The following PRDX6 variants were observed in gnomAD, a reference collection of about 807,000 sequenced individuals.
PRDX6 encodes peroxiredoxin 6.
Under a neutral mutation model 20.0 loss-of-function variants are expected in PRDX6, and 13 were observed. The ratio of observed to expected loss-of-function variants is 0.65; its 90% CI spans 0.42 to 1.03. The LOEUF (loss-of-function observed/expected upper bound fraction) is 1.03, where lower values mean the gene tolerates loss of function less well. Among genes scored for constraint, PRDX6 ranks in the 50% least tolerant of loss-of-function variants. The probability of loss-of-function intolerance (pLI) is 0.00; values close to 1 mark genes in which losing one functional copy is unlikely to be tolerated. For synonymous variants in PRDX6, 85 were observed against 100.8 expected (o/e 0.84, Z 0.94); for missense variants, 203 against 276.9 (o/e 0.73, Z 1.89).
At chr1:173,480,722 T>G (rs1658787137) in intron 1 of PRDX6, among the ~76,000 whole-genome samples, 1 of 152,232 alleles carries the variant, frequency 6.6e-6, no homozygotes, top group African/African-American at 2.4e-5. Flanking sequence ...GTGTCATGTT[T>G]GGCAGGTAAG....
chr1:173,485,980 A>G (rs772223768), intron 3 of PRDX6, among the ~76,000 whole-genome samples: 1 of 152,216 alleles, frequency 6.6e-6, no homozygotes, highest in Non-Finnish European at 1.5e-5. Flanking sequence ...TCCCCAATTG[A>G]CACAGCCTTT....
intron 2 of PRDX6, among the ~76,000 whole-genome samples, chr1:173,483,806 A>G (rs1191682449): frequency 6.6e-6 from 1 of 152,102 alleles, no homozygotes; most frequent in Non-Finnish European, 1.5e-5. Flanking sequence ...CACATGTTTC[A>G]TTAATATCGT....
chr1:173,484,173 T>TACACAC (rs1328020093), intron 2 of PRDX6, among the ~76,000 whole-genome samples: 2 of 131,344 alleles, frequency 1.5e-5, no homozygotes, highest in African/African-American at 7.3e-5. Flanking sequence ...TATATTTATA[T>TACACAC]ATATACACAC....
intron 1 of PRDX6, among the ~76,000 whole-genome samples, chr1:173,477,932 T>G (rs112005726): frequency 0.012 from 1,809 of 152,276 alleles, 39 homozygotes; most frequent in African/African-American, 0.042. Flanking sequence ...TTCCCCGGAC[T>G]AGTGCCCAGG....
chr1:173,477,424 C>G lies in PRDX6; in HGVS notation c.27C>G (p.Asp9Glu). Residue 9 changes from aspartate to glutamate, a missense_variant, in exon 1 of 5, where the codon GAC becomes GAG. Coordinates refer to ENST00000340385, the MANE Select transcript of PRDX6 (RefSeq NM_004905.3). MPGGLLLGDVAPNFEANTT... is the reference protein window; with the variant it reads MPGGLLLGEVAPNFEANTT... ...TGCCCGGAGGTCTGCTTCTCGGGGA[C>G]GTGGCTCCCAACTTTGAGGCCAATA... The G allele has an allele frequency of 6.2e-7, 1 of 1,608,746 alleles. No homozygotes were observed. Among genetic ancestry groups the G allele is most frequent in the Non-Finnish European group, 8.5e-7 (1 of 1,177,902 alleles).
intron 2 of PRDX6, among the ~76,000 whole-genome samples, chr1:173,484,379 T>C (rs1658862264): frequency 6.6e-6 from 1 of 151,688 alleles, no homozygotes; most frequent in Non-Finnish European, 1.5e-5. Flanking sequence ...ACTTTTGGAG[T>C]CCTACAAATG....
Position 173,477,425 on chromosome 1 carries a change from G to A in PRDX6, c.28G>A (p.Val10Met). Residue 10 changes from valine to methionine, a missense_variant, in exon 1 of 5, where the codon GTG (valine) becomes ATG (methionine). Physicochemically the swap from Val to Met is conservative, Grantham distance 21 (BLOSUM62 1). Transcript: ENST00000340385. MPGGLLLGD[V>M]APNFEANTTV... The stretch of plus-strand genomic sequence containing the variant: ...GCCCGGAGGTCTGCTTCTCGGGGAC[G>A]TGGCTCCCAACTTTGAGGCCAATAC... The A allele has an allele frequency of 6.2e-7, 1 of 1,608,458 alleles. No homozygotes were observed. The highest frequency in any genetic ancestry group is 8.5e-7 in the Non-Finnish European group (1 of 1,177,734).
intron 3 of PRDX6, among the ~76,000 whole-genome samples, chr1:173,485,996 G>T (rs775602511): frequency 6.6e-6 from 1 of 152,092 alleles, no homozygotes; most frequent in Non-Finnish European, 1.5e-5. Context: ...CCTTTCCCTC[G>T]ATTAAATTTG....
Position 173,488,413 on chromosome 1 carries a change from T to C in PRDX6, c.*550T>C, listed in dbSNP as rs1167849699. On this transcript the variant is annotated 3_prime_UTR_variant, in exon 5 of 5. Coordinates refer to ENST00000340385, the MANE Select transcript of PRDX6 (RefSeq NM_004905.3). ...AACCCAGATGCTCTTTCATATTCTT[T>C]TAATACATCTTGATCACAGCTGGGG... The C allele has an allele frequency of 6.6e-6, 1 of 152,286 alleles. No individual in the cohort carries two copies. Among genetic ancestry groups the C allele is most frequent in the African/African-American group, 2.4e-5 (1 of 41,452 alleles). 9.4% of individuals were successfully genotyped at this position (152,286 alleles called of 1,614,324 possible).
intron 1 of PRDX6, among the ~76,000 whole-genome samples, chr1:173,478,409 A>G (rs35749242): frequency 0.018 from 2,775 of 151,940 alleles, 80 homozygotes; most frequent in African/African-American, 0.063. Flanking sequence ...TCCGCTTTCT[A>G]CCTTGCTTCT....
At chr1:173,481,191 TA>T in intron 1 of PRDX6, 134 bp from the exon 2 acceptor site, 1 of 906,336 alleles carries the variant, frequency 1.1e-6, no homozygotes. Flanking sequence ...CAGAAAAGCT[TA>T]AAAGTAAATA....
In PRDX6 at chr1:173,477,377, C is replaced by T. The variant is rs1311151099; in HGVS notation, c.-21C>T. The T allele has an allele frequency of 1.1e-5, 18 of 1,591,614 alleles. No individual in the cohort carries two copies. Among genetic ancestry groups the T allele is most frequent in the Admixed American group, 8.5e-5 (5 of 58,740 alleles). ...AACCGGTTGCTTGCTGTCCCAGCGG[C>T]GCCCCCTCATCACCGTCGCCATGCC... On this transcript the variant is annotated 5_prime_UTR_variant, in exon 1 of 5. Coordinates refer to ENST00000340385, the MANE Select transcript of PRDX6 (RefSeq NM_004905.3).
rs940362878 is a variant in PRDX6, at chr1:173,481,315, C to T, written c.96-11C>T. On this transcript the variant is annotated splice_polypyrimidine_tract_variant and intron_variant, in intron 1 of 4. Coordinates refer to ENST00000340385, the MANE Select transcript of PRDX6 (RefSeq NM_004905.3). ...TTAATTCAATTGTGACCTTGTTTTT[C>T]TTCCTTTCAGATGGGGCATTCTCTT... 6.2e-7 allele frequency: 1 copy of T among 1,608,496 alleles called. No homozygotes were observed. The highest frequency in any genetic ancestry group is 1.7e-4 in the Middle Eastern group (1 of 6,030).
intron 1 of PRDX6, among the ~76,000 whole-genome samples, chr1:173,478,463 T>G (rs1357538185): frequency 6.6e-6 from 1 of 152,140 alleles, no homozygotes; most frequent in Admixed American, 6.5e-5. Flanking sequence ...TGACCTGTGA[T>G]CTGACTTGGC....
At chr1:173,486,660 C>CT (rs1658904385) in intron 4 of PRDX6, among the ~76,000 whole-genome samples, 1 of 151,992 alleles carries the variant, frequency 6.6e-6, no homozygotes, top group Non-Finnish European at 1.5e-5. Flanking sequence ...ATTCCTTTTC[C>CT]TAATAGAAGG....
intron 4 of PRDX6, among the ~76,000 whole-genome samples, chr1:173,486,771 G>T (rs1658909245): frequency 6.6e-6 from 1 of 152,078 alleles, no homozygotes; most frequent in Admixed American, 6.5e-5. Context: ...TAAAAGTACT[G>T]GTGTATTAAT....
intron 3 of PRDX6, 82 bp from the exon 4 acceptor site, chr1:173,486,173 T>A (rs878991368): frequency 8.0e-7 from 1 of 1,255,722 alleles, no homozygotes; most frequent in South Asian, 1.9e-5. Context: ...CCTTGAACAT[T>A]ATTAATGACT....
At chr1:173,479,865 T>C (rs1480428305) in intron 1 of PRDX6, among the ~76,000 whole-genome samples, 2 of 152,208 alleles carry the variant, frequency 1.3e-5, no homozygotes. Context: ...TCCTTTTGCA[T>C]GATTCAGCAA....
chr1:173,477,507 C>A lies in PRDX6; in HGVS notation c.95+15C>A. ...CTGGGAGACTCGTAAGTGGCCACCG[C>A]GTAGCCCTGTCCTGGCCTCGGTTGC... is the stretch of plus-strand genomic sequence containing the variant. On this transcript the variant is annotated intron_variant, in intron 1 of 4. Transcript: ENST00000340385. The A allele has an allele frequency of 6.3e-7, 1 of 1,590,000 alleles. No homozygotes were observed. The highest frequency in any genetic ancestry group is 8.6e-7 in the Non-Finnish European group (1 of 1,166,072).
Sources: allele counts gnomAD v4.1 joint callset (sites outside exome capture counted in the v4.1 genomes callset), GRCh38; gene constraint gnomAD v4.1.1; transcripts MANE v1.5; gene names NCBI Gene and HGNC (gene_info 2026-07-23, HGNC 2026-07-21).